The following CECR2 variants were observed in gnomAD, a reference collection of about 807,000 sequenced individuals.
The protein encoded by CECR2 is chromatin remodeling regulator CECR2.
A neutral mutation model predicts 154.5 loss-of-function variants in CECR2; 30 were observed. That is an observed-to-expected ratio of 0.19 (90% CI 0.15 to 0.26). The LOEUF (loss-of-function observed/expected upper bound fraction) is 0.26, where lower values mean the gene tolerates loss of function less well. Among genes scored for constraint, CECR2 ranks in the 10% least tolerant of loss-of-function variants. The pLI, the probability that CECR2 is intolerant of heterozygous loss-of-function variation, is 1.00. For synonymous variants in CECR2, 725 were observed against 683.7 expected, an observed-to-expected ratio of 1.06 and a Z score of -0.94; for missense variants, 1,743 against 1,829.3, an observed-to-expected ratio of 0.95 and a Z score of 0.86.
At chr22:17,544,836 A>AAAG (rs1569155851) in intron 16 of CECR2, among the ~76,000 whole-genome samples, 4 of 139,200 alleles carry the variant, frequency 2.9e-5, no homozygotes, top group Admixed American at 1.5e-4. Context: ...AAAAAAAAAA[A>AAAG]GGTTCATGCC....
chr22:17,401,564 G>T (rs2053891939), intron 1 of CECR2, among the ~76,000 whole-genome samples: 1 of 151,860 alleles, frequency 6.6e-6, no homozygotes, highest in Non-Finnish European at 1.5e-5. Flanking sequence ...TTTTACATGA[G>T]ATATACGCTC....
At chr22:17,471,080 G>T (rs1426554425) in intron 1 of CECR2, among the ~76,000 whole-genome samples, 1 of 152,106 alleles carries the variant, frequency 6.6e-6, no homozygotes, top group African/African-American at 2.4e-5. Context: ...AGTATTTAAG[G>T]TAAAAATATC....
Position 17,449,471 on chromosome 22 carries a change from T to G in CECR2, c.127-28117T>G, listed in dbSNP as rs948682104. Among the ~76,000 whole-genome samples the G allele has an allele frequency of 4.1e-5, 6 of 147,066 alleles. No homozygotes were observed. In the South Asian group the frequency reaches 1.3e-3, roughly 32 times the overall value. On this transcript the variant is annotated intron_variant, in intron 1 of 18. Transcript: ENST00000262608. ...TTTTTTTCAGCTCCGCACATCTAAT[T>G]GGTAACCAGTTCTTTTTTTTTTTTT...
At chr22:17,406,446 C>A (rs957715571) in intron 1 of CECR2, among the ~76,000 whole-genome samples, 1 of 152,172 alleles carries the variant, frequency 6.6e-6, no homozygotes, top group Non-Finnish European at 1.5e-5. Flanking sequence ...TCACTTGAAC[C>A]CAGGAGGCGG....
intron 1 of CECR2, among the ~76,000 whole-genome samples, chr22:17,399,574 T>C (rs573385135): frequency 6.6e-6 from 1 of 152,042 alleles, no homozygotes; most frequent in East Asian, 1.9e-4. Context: ...CGCGCCACCA[T>C]GCCCAGCTAA....
chr22:17,556,223 C>T lies in CECR2; in HGVS notation c.*3383C>T, dbSNP rs899652595. 6 of 152,092 alleles carry T rather than the reference C, an allele frequency of 3.9e-5. No individual in the cohort carries two copies. The highest frequency in any genetic ancestry group is 3.9e-4 in the East Asian group (2 of 5,190). 9.4% of individuals were successfully genotyped at this position (152,092 alleles called of 1,614,324 possible). On this transcript the variant is annotated 3_prime_UTR_variant, in exon 19 of 19. Transcript: ENST00000262608. ...ACACACGAGCTGCTCATCAACAGTT[C>T]GTATCTTCTCACTGAGCCCGGGCCA...
chr22:17,468,673 C>A (rs1388092294), intron 1 of CECR2, among the ~76,000 whole-genome samples: 1 of 152,092 alleles, frequency 6.6e-6, no homozygotes, highest in African/African-American at 2.4e-5. Flanking sequence ...AACCCTGTCT[C>A]TCCAAAAAAC....
At chr22:17,428,625 GTTTCTTTTTC>G (rs1262098705) in intron 1 of CECR2, 1 of 151,970 alleles carries the variant, frequency 6.6e-6, no homozygotes, top group Non-Finnish European at 1.5e-5. Flanking sequence ...GAAAAATACT[GTTTCTTTTTC>G]TTTCTTTTTT....
chr22:17,506,659 G>A lies in CECR2; in HGVS notation c.870+1643G>A, dbSNP rs1208492151. Among the ~76,000 whole-genome samples the A allele has an allele frequency of 2.6e-5, 4 of 151,990 alleles. No individual in the cohort carries two copies. The South Asian group carries it at 8.3e-4, about 32-fold the overall frequency. On this transcript the variant is annotated intron_variant, in intron 7 of 18. Coordinates refer to ENST00000262608, the MANE Select transcript of CECR2 (RefSeq NM_001290047.2). ...TCTTTTCATGTTTTTTTGTTTGTTT[G>A]TTTGTTTGTTTTGAGACAGAGACTC...
chr22:17,360,713 CAT>C (rs1487038705), intron 1 of CECR2, among the ~76,000 whole-genome samples: 9 of 149,434 alleles, frequency 6.0e-5, no homozygotes, highest in Non-Finnish European at 1.0e-4. Context: ...AGCATGGTGA[CAT>C]GTGCCTGTAA....
At chr22:17,455,269 G>A (rs1291354233) in intron 1 of CECR2, among the ~76,000 whole-genome samples, 2 of 152,154 alleles carry the variant, frequency 1.3e-5, no homozygotes, top group Non-Finnish European at 2.9e-5. Flanking sequence ...TCTTTATTAC[G>A]GCTAGCAGAT....
At chr22:17,532,696 T>C (rs976220086) in intron 9 of CECR2, among the ~76,000 whole-genome samples, 2 of 121,978 alleles carry the variant, frequency 1.6e-5, no homozygotes, top group Admixed American at 9.6e-5. Flanking sequence ...TATTCATTAT[T>C]ATTCTTTTTT....
intron 1 of CECR2, among the ~76,000 whole-genome samples, chr22:17,392,933 G>T (rs569544114): frequency 3.3e-5 from 5 of 151,830 alleles, no homozygotes; most frequent in African/African-American, 1.2e-4. Flanking sequence ...CCAGCTACTC[G>T]TGAGGCTGAG....
In CECR2 at chr22:17,524,387, CTTTTTTTTTTT is replaced by C. The variant is rs200102476; in HGVS notation, c.1108+129_1108+139del. ...GCATCCAAGTTGTTTCCGGCAATTT[CTTTTTTTTTTT>C]TTTTTTTTTTTTGAGACGGAGTCTC... On this transcript the variant is annotated intron_variant, in intron 9 of 18. Coordinates refer to ENST00000262608, the MANE Select transcript of CECR2 (RefSeq NM_001290047.2). 149 of 392,340 alleles carry C rather than the reference CTTTTTTTTTTT, an allele frequency of 3.8e-4. 2 individuals carry two copies. In the African/African-American group the frequency reaches 4.2e-3, roughly 11 times the overall value. The allele number at this position is 392,340 out of a possible 1,614,324, so 24.3% of individuals were successfully genotyped here.
At chr22:17,504,755 A>C in intron 6 of CECR2, 92 bp from the exon 7 acceptor site, 3 of 1,160,750 alleles carry the variant, frequency 2.6e-6, no homozygotes, top group Non-Finnish European at 3.7e-6. Context: ...TCCTTATTTT[A>C]GTCATGACCC....
At chr22:17,539,324 G>A (rs1010107920) in intron 13 of CECR2, among the ~76,000 whole-genome samples, 2 of 152,194 alleles carry the variant, frequency 1.3e-5, no homozygotes, top group Non-Finnish European at 2.9e-5. Context: ...GAGTGCAGCT[G>A]GCAGCTAACT....
At chr22:17,389,157 T>C (rs946427226) in intron 1 of CECR2, among the ~76,000 whole-genome samples, 2 of 152,108 alleles carry the variant, frequency 1.3e-5, no homozygotes, top group Admixed American at 1.3e-4. Context: ...AACGGAAACT[T>C]AGAAGGCTGG....
At chr22:17,486,002 C>T (rs1039876355) in intron 2 of CECR2, among the ~76,000 whole-genome samples, 2 of 152,034 alleles carry the variant, frequency 1.3e-5, no homozygotes, top group Non-Finnish European at 2.9e-5. Context: ...GTTTTGAAGA[C>T]GAGATCTCAC....
At chr22:17,458,486 C>T (rs1452353416) in intron 1 of CECR2, among the ~76,000 whole-genome samples, 2 of 148,440 alleles carry the variant, frequency 1.3e-5, no homozygotes, top group African/African-American at 2.5e-5. Context: ...AGTTTTAATA[C>T]GGTGGGTAAA....
Sources: gnomAD v4.1 joint callset for allele counts (sites outside exome capture counted in the v4.1 genomes callset) on GRCh38, gnomAD v4.1.1 for gene constraint, MANE v1.5 for transcripts, NCBI Gene and HGNC (gene_info 2026-07-23, HGNC 2026-07-21) for gene names.